Variants in KIF5B observed in about 807,000 individuals in gnomAD.
The protein encoded by KIF5B is kinesin family member 5B, also known as kinesin-1 heavy chain.
KIF5B carries 49 observed loss-of-function variants against 132.8 expected under a neutral mutation model. The ratio of observed to expected loss-of-function variants is 0.37; its 90% CI spans 0.29 to 0.47. The LOEUF is 0.47. Among genes scored for constraint, KIF5B ranks in the 20% least tolerant of loss-of-function variants. The pLI, the probability that KIF5B is intolerant of heterozygous loss-of-function variation, is 1.00. For missense variants in KIF5B, 780 were observed against 1,144.0 expected, an observed-to-expected ratio of 0.68 and a Z score of 4.59; for synonymous variants, 355 against 369.4, an observed-to-expected ratio of 0.96 and a Z score of 0.45.
intron 25 of KIF5B, among the ~76,000 whole-genome samples, chr10:32,015,177 T>G (rs1017776131): frequency 2.6e-5 from 4 of 152,120 alleles, no homozygotes. Context: ...ATGAAAATTT[T>G]GGTTTTTGAA....
At chr10:32,031,426 A>T (rs950099484) in intron 13 of KIF5B, 147 bp from the exon 14 acceptor site, 4 of 658,636 alleles carry the variant, frequency 6.1e-6, no homozygotes, top group Admixed American at 2.8e-5. Context: ...CAGATTTACT[A>T]AATGTCAACT....
chr10:32,041,049 GGCACAAAAA>G (rs1199808053), intron 2 of KIF5B, among the ~76,000 whole-genome samples: 2 of 149,836 alleles, frequency 1.3e-5, no homozygotes, highest in African/African-American at 4.9e-5. Context: ...GAAAGACTAA[GGCACAAAAA>G]TCGCCTGAGC....
intron 13 of KIF5B, 53 bp downstream of exon 13, chr10:32,032,653 A>G: frequency 7.0e-7 from 1 of 1,427,878 alleles, no homozygotes; most frequent in Non-Finnish European, 9.9e-7. Context: ...TGGGATTCAG[A>G]AAACAAAACT....
chr10:32,050,904 C>T (rs1437084765), intron 1 of KIF5B, among the ~76,000 whole-genome samples: 2 of 152,132 alleles, frequency 1.3e-5, no homozygotes, highest in African/African-American at 4.8e-5. Flanking sequence ...ACAATCGCCA[C>T]CCAAAAACAA....
In KIF5B at chr10:32,037,268, CT is replaced by C; in HGVS notation, c.696del (p.Ala233LeufsTer50). On this transcript the variant is annotated frameshift_variant, in exon 8 of 26. Coordinates refer to ENST00000302418, the MANE Select transcript of KIF5B (RefSeq NM_004521.3). LOFTEE classifies it high-confidence loss of function. ...KLSGKLYLVD[L>X]AGSEKVSKTG... is the part of the protein sequence containing the mutation. ...GAAGACTTTACCTTTTCACTACCAG[CT>C]AAATCAACCAGATAAAGTTTTCCAC... The C allele has an allele frequency of 1.2e-6, 2 of 1,612,526 alleles. No individual in the cohort carries two copies. Among genetic ancestry groups the C allele is most frequent in the Non-Finnish European group, 1.7e-6 (2 of 1,179,550 alleles).
In KIF5B at chr10:32,010,319, G is replaced by A. The variant is rs1053540480; in HGVS notation, c.*1218C>T. 2.0e-5 allele frequency: 3 copies of A among 152,050 alleles called. No individual in the cohort carries two copies. In the East Asian group the frequency reaches 5.8e-4, roughly 29 times the overall value. The allele number at this position is 152,050 out of a possible 1,614,324, so 9.4% of individuals were successfully genotyped here. On this transcript the variant is annotated 3_prime_UTR_variant, in exon 26 of 26. Coordinates refer to ENST00000302418, the MANE Select transcript of KIF5B (RefSeq NM_004521.3). ...TCTGAGGAAAAAGTGGCAAAAATAC[G>A]TATACACTTAGTACTGATTACAAAA... is the stretch of plus-strand genomic sequence containing the variant.
rs1841760166 is a variant in KIF5B, at chr10:32,056,129, G to A, written c.-156C>T. The A allele has an allele frequency of 7.0e-6, 6 of 854,084 alleles. No homozygotes were observed. The highest frequency in any genetic ancestry group is 1.0e-5 in the Non-Finnish European group (6 of 576,778). The allele number at this position is 854,084 out of a possible 1,614,324, so 52.9% of individuals were successfully genotyped here. ...TTCCCCGGGTGGAGGCGGCCGGGGA[G>A]CCGGGACTTGAAGAGCCGGCGCCGG... On this transcript the variant is annotated 5_prime_UTR_variant, in exon 1 of 26. Coordinates refer to ENST00000302418, the MANE Select transcript of KIF5B (RefSeq NM_004521.3).
chr10:32,053,620 C>T (rs113865984), intron 1 of KIF5B, among the ~76,000 whole-genome samples: 4 of 151,240 alleles, frequency 2.6e-5, no homozygotes, highest in African/African-American at 4.9e-5. Context: ...GCTACTGGGG[C>T]GGCTGAGGCA....
At chr10:32,055,766 C>G (rs2132622585) in intron 1 of KIF5B, 82 bp downstream of exon 1, 3 of 1,549,796 alleles carry the variant, frequency 1.9e-6, no homozygotes, top group African/African-American at 1.4e-5. Flanking sequence ...CCTTTCAATT[C>G]TGCACCCTGC....
chr10:32,037,576 T>C lies in KIF5B; in HGVS notation c.530A>G (p.Asp177Gly). The change falls in exon 7 of 26, where the codon GAT becomes GGT. Residue 177 changes from aspartate (D) to glycine (G), a missense_variant. By Grantham distance (94) the Asp-to-Gly change is moderately conservative (BLOSUM62 -1). Coordinates refer to ENST00000302418, the MANE Select transcript of KIF5B (RefSeq NM_004521.3). ...TTCATCTATGGTATCCATAACTTCA[T>C]CTGGACTACATACAAAACGCTCTGT... is the stretch of plus-strand genomic sequence containing the variant. The part of the protein sequence containing the change: ...GCTERFVCSP[D>G]EVMDTIDEGK... The C allele has an allele frequency of 6.2e-7, 1 of 1,613,282 alleles. No individual in the cohort carries two copies. The highest frequency in any genetic ancestry group is 2.2e-5 in the East Asian group (1 of 44,874).
chr10:32,039,537 T>G, intron 3 of KIF5B, 106 bp from the exon 4 acceptor site: 1 of 631,238 alleles, frequency 1.6e-6, no homozygotes, highest in East Asian at 3.1e-5. Context: ...AGGAACTATA[T>G]TTTTGTGGAA....
intron 1 of KIF5B, among the ~76,000 whole-genome samples, chr10:32,052,086 C>T (rs772217235): frequency 7.9e-4 from 120 of 152,264 alleles, no homozygotes; most frequent in Non-Finnish European, 1.2e-3. Context: ...ACCTTAGGTT[C>T]CTTAAGGGAA....
At chr10:32,038,920 G>C in intron 4 of KIF5B, 94 bp from the exon 5 acceptor site, 1 of 759,224 alleles carries the variant, frequency 1.3e-6, no homozygotes, top group Non-Finnish European at 2.2e-6. Flanking sequence ...TTAGACTAGA[G>C]AGACAGTTAT....
intron 15 of KIF5B, among the ~76,000 whole-genome samples, chr10:32,026,235 C>T (rs143772486): frequency 0.015 from 2,249 of 151,900 alleles, 20 homozygotes; most frequent in Middle Eastern, 0.031. Context: ...GAGATCAAGA[C>T]CATCCTGGCT....
At chr10:32,012,750 T>A (rs11008727) in intron 25 of KIF5B, among the ~76,000 whole-genome samples, 12 of 152,026 alleles carry the variant, frequency 7.9e-5, no homozygotes, top group African/African-American at 2.9e-4. Flanking sequence ...AGTTGACATA[T>A]GAATTTTAAT....
chr10:32,017,406 C>T (rs772354678), intron 23 of KIF5B, 47 bp from the exon 24 acceptor site: 4 of 1,428,870 alleles, frequency 2.8e-6, no homozygotes, highest in Non-Finnish European at 3.9e-6. Context: ...AACAGGATGA[C>T]TTGAAAAAGT....
At chr10:32,048,907 C>T (rs1841651158) in intron 1 of KIF5B, among the ~76,000 whole-genome samples, 2 of 152,102 alleles carry the variant, frequency 1.3e-5, no homozygotes, top group Non-Finnish European at 2.9e-5. Context: ...TCGGTTCTGT[C>T]ACCCAGGCTG....
Position 32,028,582 on chromosome 10 carries a change from C to A in KIF5B, c.1582-11G>T, listed in dbSNP as rs1187924936. 8 of 1,595,978 alleles carry A rather than the reference C, an allele frequency of 5.0e-6. No individual in the cohort carries two copies. Among genetic ancestry groups the A allele is most frequent in the South Asian group, 2.3e-5 (2 of 87,722 alleles). On this transcript the variant is annotated splice_polypyrimidine_tract_variant and intron_variant, in intron 14 of 25. Coordinates refer to ENST00000302418, the MANE Select transcript of KIF5B (RefSeq NM_004521.3). ...ACTCGCTAAAGTTGCCTAAGAGAAC[C>A]CAAAACAAAAAGTATAGTTAAATCT... is the stretch of plus-strand genomic sequence containing the variant.
intron 25 of KIF5B, among the ~76,000 whole-genome samples, chr10:32,012,747 A>G (rs1339640714): frequency 6.6e-6 from 1 of 152,216 alleles, no homozygotes; most frequent in Non-Finnish European, 1.5e-5. Context: ...TAAAGTTGAC[A>G]TATGAATTTT....
Sources: allele counts gnomAD v4.1 joint callset (sites outside exome capture counted in the v4.1 genomes callset), GRCh38; gene constraint gnomAD v4.1.1; transcripts MANE v1.5; gene names NCBI Gene and HGNC (gene_info 2026-07-23, HGNC 2026-07-21).